TMEM132D: variants seen among roughly 807,000 people sequenced by gnomAD.
The protein encoded by TMEM132D is transmembrane protein 132D.
A neutral mutation model predicts 62.3 loss-of-function variants in TMEM132D; 21 were observed. The ratio of observed to expected loss-of-function variants is 0.34; its 90% confidence interval spans 0.24 to 0.49. The LOEUF is 0.49. Ranked by LOEUF, TMEM132D falls within the 20% of genes least tolerant of loss-of-function variation. The probability of loss-of-function intolerance (pLI) is 0.99; values close to 1 mark genes in which losing one functional copy is unlikely to be tolerated. For missense variants in TMEM132D, 1,346 were observed against 1,402.8 expected (o/e 0.96, Z 0.65); for synonymous variants, 621 against 575.6 (o/e 1.08, Z -1.13).
intron 4 of TMEM132D, among the ~76,000 whole-genome samples, chr12:129,261,769 G>GAC (rs936776958): frequency 1.3e-5 from 2 of 152,040 alleles, no homozygotes; most frequent in African/African-American, 2.4e-5. Context: ...TGCTTACGAG[G>GAC]ACACCAAGCA....
chr12:129,185,761 A>G (rs375758272), intron 5 of TMEM132D, among the ~76,000 whole-genome samples: 1 of 140,800 alleles, frequency 7.1e-6, no homozygotes, highest in African/African-American at 2.6e-5. Context: ...TTTATCCATC[A>G]TCTGTCTGTC....
intron 3 of TMEM132D, among the ~76,000 whole-genome samples, chr12:129,426,715 T>TTTGGCTTAGAG (rs1872512488): frequency 6.6e-6 from 1 of 152,206 alleles, no homozygotes; most frequent in African/African-American, 2.4e-5. Context: ...TTTATATATA[T>TTTGGCTTAGAG]TAACTACATT....
At chr12:129,083,099 C>A (rs376835019) in intron 6 of TMEM132D, among the ~76,000 whole-genome samples, 7 of 152,200 alleles carry the variant, frequency 4.6e-5, no homozygotes, top group African/African-American at 1.4e-4. Context: ...TAAGCCACTA[C>A]GTTAGACAGA....
At chr12:129,341,923 A>G (rs1244001444) in intron 3 of TMEM132D, among the ~76,000 whole-genome samples, 1 of 152,226 alleles carries the variant, frequency 6.6e-6, no homozygotes, top group Non-Finnish European at 1.5e-5. Context: ...ATGAAATAAA[A>G]GAGGATACAA....
intron 2 of TMEM132D, among the ~76,000 whole-genome samples, chr12:129,577,111 A>G (rs1877685062): frequency 6.6e-6 from 1 of 151,872 alleles, no homozygotes; most frequent in South Asian, 2.1e-4. Flanking sequence ...GAAGGTTTAC[A>G]GTATTGCACT....
Position 129,536,361 on chromosome 12 carries a change from T to G in TMEM132D, c.969-5156A>C, listed in dbSNP as rs947962315. Among the ~76,000 whole-genome samples the G allele has an allele frequency of 9.2e-5, 14 of 152,320 alleles. 1 individual carries two copies. Among genetic ancestry groups the G allele is most frequent in the African/African-American group, 3.4e-4 (14 of 41,564 alleles). ...CAAAGCTTTTTTGAATTGCTCTTTG[T>G]CTCCATACTTACTTTCTCTCATTAA... is the stretch of plus-strand genomic sequence containing the variant. On this transcript the variant is annotated intron_variant, in intron 2 of 8. Transcript: ENST00000422113.
At chr12:129,415,319 C>T (rs1037444377) in intron 3 of TMEM132D, among the ~76,000 whole-genome samples, 28 of 152,292 alleles carry the variant, frequency 1.8e-4, no homozygotes, top group African/African-American at 6.3e-4. Context: ...TTCCCCACAT[C>T]GTCACCAACA....
intron 2 of TMEM132D, among the ~76,000 whole-genome samples, chr12:129,677,201 G>A (rs1880652207): frequency 6.6e-6 from 1 of 152,178 alleles, no homozygotes; most frequent in Non-Finnish European, 1.5e-5. Flanking sequence ...CTGGTGGGAG[G>A]TGAATGAATT....
chr12:129,469,790 CCA>C (rs1874040365), intron 3 of TMEM132D, among the ~76,000 whole-genome samples: 1 of 152,178 alleles, frequency 6.6e-6, no homozygotes, highest in South Asian at 2.1e-4. Context: ...AAGATTTAAA[CCA>C]CAGAGTCACC....
chr12:129,140,632 A>T (rs1010241173), intron 5 of TMEM132D, among the ~76,000 whole-genome samples: 1 of 152,118 alleles, frequency 6.6e-6, no homozygotes, highest in African/African-American at 2.4e-5. Context: ...TAAGATCAGG[A>T]GTTCGAGACC....
chr12:129,565,462 C>T (rs1877344158), intron 2 of TMEM132D, among the ~76,000 whole-genome samples: 1 of 152,204 alleles, frequency 6.6e-6, no homozygotes, highest in Admixed American at 6.5e-5. Flanking sequence ...AATTAATGCT[C>T]ATCAGGTGTG....
At chr12:129,665,763 T>C (rs1386408729) in intron 2 of TMEM132D, among the ~76,000 whole-genome samples, 1 of 152,222 alleles carries the variant, frequency 6.6e-6, no homozygotes, top group Non-Finnish European at 1.5e-5. Flanking sequence ...GTATTTTATA[T>C]ACAGTGCTAG....
chr12:129,784,550 T>G (rs888384596), intron 1 of TMEM132D, among the ~76,000 whole-genome samples: 12 of 152,260 alleles, frequency 7.9e-5, no homozygotes, highest in African/African-American at 2.4e-4. Context: ...ATTTTCGGCA[T>G]CTGTGCTGGC....
At chr12:129,479,073 G>A (rs2137052095) in intron 3 of TMEM132D, among the ~76,000 whole-genome samples, 1 of 152,294 alleles carries the variant, frequency 6.6e-6, no homozygotes, top group South Asian at 2.1e-4. Context: ...AGTTAGTTGA[G>A]ACCATCTGCA....
chr12:129,323,669 T>A (rs796473273), intron 4 of TMEM132D, among the ~76,000 whole-genome samples: 2 of 152,332 alleles, frequency 1.3e-5, no homozygotes, highest in African/African-American at 4.8e-5. Context: ...AGCCTAATCC[T>A]CAATGTTGCA....
At chr12:129,581,855 TTC>T (rs1331365450) in intron 2 of TMEM132D, among the ~76,000 whole-genome samples, 3 of 152,170 alleles carry the variant, frequency 2.0e-5, no homozygotes, top group African/African-American at 7.2e-5. Flanking sequence ...CCAAGTAAAC[TTC>T]TTTCTTTATA....
At chr12:129,419,659 CA>C (rs1872239912) in intron 3 of TMEM132D, among the ~76,000 whole-genome samples, 1 of 152,136 alleles carries the variant, frequency 6.6e-6, no homozygotes, top group Admixed American at 6.5e-5. Context: ...CCTCCGGTTG[CA>C]TTTTCTGCTA....
chr12:129,272,623 CTGCT>C (rs1880884562), intron 4 of TMEM132D, among the ~76,000 whole-genome samples: 1 of 151,506 alleles, frequency 6.6e-6, no homozygotes, highest in Admixed American at 6.6e-5. Context: ...TGTCTTCTGC[CTGCT>C]TATTTGTTTT....
intron 3 of TMEM132D, among the ~76,000 whole-genome samples, chr12:129,504,180 C>T (rs998694615): frequency 6.6e-6 from 1 of 152,156 alleles, no homozygotes; most frequent in Non-Finnish European, 1.5e-5. Flanking sequence ...TCATCATCAT[C>T]CTGTAATTCT....
Sources: allele counts gnomAD v4.1 joint callset (sites outside exome capture counted in the v4.1 genomes callset), GRCh38; gene constraint gnomAD v4.1.1; transcripts MANE v1.5; gene names NCBI Gene and HGNC (gene_info 2026-07-23, HGNC 2026-07-21).